SDK1: variants seen among roughly 807,000 people sequenced by gnomAD.
SDK1 encodes sidekick cell adhesion molecule 1.
A neutral mutation model predicts 245.5 loss-of-function variants in SDK1; 157 were observed. The ratio of observed to expected loss-of-function variants is 0.64; its 90% CI spans 0.56 to 0.73. The LOEUF (loss-of-function observed/expected upper bound fraction) is 0.73. SDK1 is among the 30% of genes least tolerant of loss of function. The probability of loss-of-function intolerance (pLI) is 0.00; values close to 1 mark genes in which losing one functional copy is unlikely to be tolerated. For synonymous variants in SDK1, 1,647 were observed against 1,278.5 expected, an observed-to-expected ratio of 1.29 and a Z score of -6.15; for missense variants, 3,583 against 3,002.3, an observed-to-expected ratio of 1.19 and a Z score of -4.52.
chr7:3,444,070 C>A (rs1442134749), intron 1 of SDK1, among the ~76,000 whole-genome samples: 1 of 152,228 alleles, frequency 6.6e-6, no homozygotes, highest in Non-Finnish European at 1.5e-5. Context: ...CTCCCAGACT[C>A]CTATACTGCT....
Position 3,623,136 on chromosome 7 carries a change from C to G in SDK1, c.458+3897C>G, listed in dbSNP as rs140781148. Reference sequence around the variant, plus strand: ...GGTGTCAGTTATGAAAATGCTAACCCTGTAAAGAGCAAATACTACACATTT... The same window carrying G: ...GGTGTCAGTTATGAAAATGCTAACCGTGTAAAGAGCAAATACTACACATTT... On this transcript the variant is annotated intron_variant, in intron 2 of 44. Transcript: ENST00000404826. 5.2e-3 allele frequency among the ~76,000 whole-genome samples: 789 copies of G among 152,132 alleles called. 9 individuals are homozygous for G. The highest frequency in any genetic ancestry group is 0.018 in the African/African-American group (739 of 41,472).
chr7:3,853,295 G>A (rs1780463488), intron 5 of SDK1, among the ~76,000 whole-genome samples: 1 of 152,118 alleles, frequency 6.6e-6, no homozygotes, highest in Admixed American at 6.5e-5. Flanking sequence ...AGTTCATTTA[G>A]TAAACAATTT....
At chr7:3,502,464 G>C (rs1237769373) in intron 1 of SDK1, among the ~76,000 whole-genome samples, 1 of 152,124 alleles carries the variant, frequency 6.6e-6, no homozygotes, top group Non-Finnish European at 1.5e-5. Flanking sequence ...TGGCCAGGCT[G>C]ATCTTGAACT....
At chr7:3,304,859 A>G (rs951120540) in intron 1 of SDK1, among the ~76,000 whole-genome samples, 4 of 152,128 alleles carry the variant, frequency 2.6e-5, no homozygotes, top group Non-Finnish European at 5.9e-5. Flanking sequence ...TGATGCCTGG[A>G]TGTCACTCCT....
At chr7:3,999,802 T>C (rs1784942266) in intron 14 of SDK1, among the ~76,000 whole-genome samples, 1 of 152,152 alleles carries the variant, frequency 6.6e-6, no homozygotes, top group African/African-American at 2.4e-5. Context: ...TAGTAGATGA[T>C]GTATAAAGGG....
At chr7:3,688,692 G>C (rs544931231) in intron 4 of SDK1, among the ~76,000 whole-genome samples, 1 of 152,286 alleles carries the variant, frequency 6.6e-6, no homozygotes, top group African/African-American at 2.4e-5. Flanking sequence ...AGTATGTAAA[G>C]TATCTTCCAG....
At chr7:3,672,156 C>T (rs1287444931) in intron 4 of SDK1, among the ~76,000 whole-genome samples, 1 of 151,644 alleles carries the variant, frequency 6.6e-6, no homozygotes, top group Admixed American at 6.6e-5. Flanking sequence ...ATTGGTCTAA[C>T]CTGAAGGACT....
chr7:3,615,667 C>T (rs1781745347), intron 1 of SDK1, among the ~76,000 whole-genome samples: 3 of 151,520 alleles, frequency 2.0e-5, no homozygotes, highest in Admixed American at 1.3e-4. Context: ...CATAAGAATC[C>T]TTCTTGACAT....
At chr7:3,504,157 A>G (rs1782309733) in intron 1 of SDK1, among the ~76,000 whole-genome samples, 1 of 116,788 alleles carries the variant, frequency 8.6e-6, no homozygotes, top group African/African-American at 2.9e-5. Flanking sequence ...CTCAAAAAAA[A>G]ACCAAAAAAA....
At chr7:3,746,950 C>T (rs986162272) in intron 4 of SDK1, among the ~76,000 whole-genome samples, 6 of 152,122 alleles carry the variant, frequency 3.9e-5, no homozygotes, top group African/African-American at 1.4e-4. Flanking sequence ...TTTCCAAGAC[C>T]ATCAGAGGAG....
chr7:4,159,247 A>G (rs1350824445), intron 31 of SDK1, among the ~76,000 whole-genome samples: 2 of 152,168 alleles, frequency 1.3e-5, no homozygotes, highest in Non-Finnish European at 2.9e-5. Context: ...TTTCCAATAA[A>G]CCAATTTCCA....
chr7:3,451,241 G>T lies in SDK1; in HGVS notation c.298+149357G>T, dbSNP rs547495959. Among the ~76,000 whole-genome samples the T allele has an allele frequency of 7.9e-5, 12 of 151,832 alleles. No homozygotes were observed. In the South Asian group the frequency reaches 2.3e-3, roughly 29 times the overall value. On this transcript the variant is annotated intron_variant, in intron 1 of 44. Transcript: ENST00000404826. The stretch of plus-strand genomic sequence containing the variant: ...AATATAGGAGAAAGGGGCAATTGTT[G>T]TGAAGTTCCAAGAGACAAGCCCGGA...
At chr7:4,022,163 A>C (rs904890912) in intron 17 of SDK1, among the ~76,000 whole-genome samples, 1 of 152,236 alleles carries the variant, frequency 6.6e-6, no homozygotes, top group African/African-American at 2.4e-5. Flanking sequence ...AAGGGAAAGC[A>C]TAACTCATAA....
intron 4 of SDK1, among the ~76,000 whole-genome samples, chr7:3,756,039 G>C (rs1387787449): frequency 6.6e-6 from 1 of 150,382 alleles, no homozygotes; most frequent in African/African-American, 2.5e-5. Context: ...TAGCACATGT[G>C]ACATATGTAT....
At chr7:3,550,408 AT>A (rs1302396336) in intron 1 of SDK1, among the ~76,000 whole-genome samples, 1 of 152,224 alleles carries the variant, frequency 6.6e-6, no homozygotes, top group Non-Finnish European at 1.5e-5. Flanking sequence ...AACTATGTGT[AT>A]TAGACAAGTT....
At chr7:3,472,985 C>G (rs1042914618) in intron 1 of SDK1, among the ~76,000 whole-genome samples, 1 of 152,178 alleles carries the variant, frequency 6.6e-6, no homozygotes, top group African/African-American at 2.4e-5. Flanking sequence ...GACCCTTTCC[C>G]TTCCTCCTCT....
chr7:3,527,718 G>C (rs571125667), intron 1 of SDK1, among the ~76,000 whole-genome samples: 12 of 151,562 alleles, frequency 7.9e-5, no homozygotes, highest in African/African-American at 2.4e-4. Context: ...GCCAACTAGG[G>C]GGTGAGTGGT....
At chr7:3,947,389 T>C (rs935045974) in intron 5 of SDK1, among the ~76,000 whole-genome samples, 6 of 152,232 alleles carry the variant, frequency 3.9e-5, no homozygotes, top group Non-Finnish European at 7.3e-5. Flanking sequence ...AAAGTTGAAA[T>C]AAATATACAC....
chr7:3,914,932 C>T (rs10240465), intron 5 of SDK1, among the ~76,000 whole-genome samples: 4,315 of 152,264 alleles, frequency 0.028, 216 homozygotes, highest in African/African-American at 0.098. Flanking sequence ...ACGGGCAAGA[C>T]TGAACTCATT....
Sources: gnomAD v4.1 joint callset for allele counts (sites outside exome capture counted in the v4.1 genomes callset) on GRCh38, gnomAD v4.1.1 for gene constraint, MANE v1.5 for transcripts, NCBI Gene and HGNC (gene_info 2026-07-23, HGNC 2026-07-21) for gene names.